ZFPM2: variants seen among roughly 807,000 people sequenced by gnomAD.
ZFPM2 encodes the protein zinc finger protein ZFPM2.
A neutral mutation model predicts 98.6 loss-of-function variants in ZFPM2; 20 were observed. That is an observed-to-expected ratio of 0.20 (90% CI 0.14 to 0.29). ZFPM2 has a LOEUF of 0.29. Among genes scored for constraint, ZFPM2 ranks in the 10% least tolerant of loss-of-function variants. The probability of loss-of-function intolerance (pLI) is 1.00; values close to 1 mark genes in which losing one functional copy is unlikely to be tolerated. For synonymous variants in ZFPM2, 518 were observed against 502.7 expected, an observed-to-expected ratio of 1.03 and a Z score of -0.41; for missense variants, 1,310 against 1,388.6, an observed-to-expected ratio of 0.94 and a Z score of 0.90.
chr8:105,423,734 G>T (rs115475873), intron 2 of ZFPM2, among the ~76,000 whole-genome samples: 230 of 152,280 alleles, frequency 1.5e-3, no homozygotes, highest in African/African-American at 5.3e-3. Flanking sequence ...AGAAATATAG[G>T]TGGTCTGGAA....
chr8:105,526,635 G>C (rs1300924727), intron 3 of ZFPM2, among the ~76,000 whole-genome samples: 1 of 152,080 alleles, frequency 6.6e-6, no homozygotes. Context: ...TTAAAATGGA[G>C]AAAATCAGTA....
At chr8:105,757,518 G>A (rs78297577) in intron 5 of ZFPM2, among the ~76,000 whole-genome samples, 2,172 of 152,164 alleles carry the variant, frequency 0.014, 59 homozygotes, top group African/African-American at 0.049. Context: ...AGGACAAAAC[G>A]CGTAGTTATT....
In ZFPM2 at chr8:105,449,276, C is replaced by G. The variant is rs377136067; in HGVS notation, c.301+4895C>G. 1.4e-4 allele frequency among the ~76,000 whole-genome samples: 21 copies of G among 152,090 alleles called. No individual in the cohort carries two copies. In the East Asian group the frequency reaches 4.1e-3, roughly 29 times the overall value. Reference sequence around the variant, plus strand: ...CAGGAGCTCTAATAAAGGAAAATATCATGCTACTTAAATATGCAAATAAGT... The same window carrying G: ...CAGGAGCTCTAATAAAGGAAAATATGATGCTACTTAAATATGCAAATAAGT... On this transcript the variant is annotated intron_variant, in intron 3 of 7. Transcript: ENST00000407775.
chr8:105,588,737 T>G (rs1323461757), intron 4 of ZFPM2, among the ~76,000 whole-genome samples: 3 of 152,228 alleles, frequency 2.0e-5, no homozygotes, highest in Non-Finnish European at 4.4e-5. Flanking sequence ...TTTGTTGACA[T>G]GTGAATGCTC....
chr8:105,549,712 A>AG, intron 3 of ZFPM2, among the ~76,000 whole-genome samples: 1 of 151,436 alleles, frequency 6.6e-6, no homozygotes, highest in Non-Finnish European at 1.5e-5. Context: ...CCTGGGCTTA[A>AG]GCGATCCCCC....
At chr8:105,334,765 T>C (rs1340709150) in intron 1 of ZFPM2, among the ~76,000 whole-genome samples, 1 of 151,748 alleles carries the variant, frequency 6.6e-6, no homozygotes, top group Non-Finnish European at 1.5e-5. Context: ...AGATGCTTAT[T>C]TTTATACATA....
At chr8:105,438,703 G>A (rs1812174867) in intron 2 of ZFPM2, among the ~76,000 whole-genome samples, 1 of 152,126 alleles carries the variant, frequency 6.6e-6, no homozygotes, top group Non-Finnish European at 1.5e-5. Flanking sequence ...GTCTGATACG[G>A]TATGTTCATA....
At chr8:105,742,485 A>T (rs1186320004) in intron 5 of ZFPM2, among the ~76,000 whole-genome samples, 1 of 151,786 alleles carries the variant, frequency 6.6e-6, no homozygotes, top group Non-Finnish European at 1.5e-5. Context: ...GTGAAATTAG[A>T]TAAGAGAGGG....
intron 5 of ZFPM2, among the ~76,000 whole-genome samples, chr8:105,739,423 AT>A (rs1359500809): frequency 2.0e-5 from 3 of 151,798 alleles, no homozygotes; most frequent in African/African-American, 7.3e-5. Flanking sequence ...ATTACATTAG[AT>A]TTTTTCTGCT....
intron 5 of ZFPM2, among the ~76,000 whole-genome samples, chr8:105,770,549 C>CAGT (rs1229710677): frequency 6.6e-6 from 1 of 152,062 alleles, no homozygotes; most frequent in African/African-American, 2.4e-5. Flanking sequence ...TAAGACCTCA[C>CAGT]AGTAAGTGTT....
At chr8:105,679,594 A>G (rs1457252531) in intron 5 of ZFPM2, among the ~76,000 whole-genome samples, 1 of 152,018 alleles carries the variant, frequency 6.6e-6, no homozygotes, top group Non-Finnish European at 1.5e-5. Context: ...TAAGAATAAA[A>G]GCAAGTCTGA....
chr8:105,651,840 T>C (rs1323996770), intron 5 of ZFPM2, among the ~76,000 whole-genome samples: 1 of 152,208 alleles, frequency 6.6e-6, no homozygotes, highest in Non-Finnish European at 1.5e-5. Flanking sequence ...TTTCAGAAAT[T>C]ACTCATGTGG....
intron 1 of ZFPM2, among the ~76,000 whole-genome samples, chr8:105,389,160 G>C (rs1811059941): frequency 6.6e-6 from 1 of 151,734 alleles, no homozygotes; most frequent in Admixed American, 6.6e-5. Context: ...GAAGAGCAAA[G>C]GATTGTAGGA....
At chr8:105,439,479 T>C (rs560286332) in intron 2 of ZFPM2, among the ~76,000 whole-genome samples, 1 of 152,342 alleles carries the variant, frequency 6.6e-6, no homozygotes, top group East Asian at 1.9e-4. Flanking sequence ...CCTACTATCC[T>C]GCTTGTTGGG....
chr8:105,681,529 T>G (rs145160417), intron 5 of ZFPM2, among the ~76,000 whole-genome samples: 1 of 152,252 alleles, frequency 6.6e-6, no homozygotes, highest in African/African-American at 2.4e-5. Flanking sequence ...TAAGAAGAGT[T>G]TCATCCTTTA....
At chr8:105,524,843 C>T (rs1411541717) in intron 3 of ZFPM2, among the ~76,000 whole-genome samples, 1 of 151,992 alleles carries the variant, frequency 6.6e-6, no homozygotes, top group Non-Finnish European at 1.5e-5. Context: ...GAGCTCTAGA[C>T]TTTGTAGAGG....
chr8:105,768,985 T>C (rs10505083), intron 5 of ZFPM2, among the ~76,000 whole-genome samples: 16,257 of 151,900 alleles, frequency 0.11, 1,159 homozygotes, highest in East Asian at 0.35. Context: ...ATGAGAAACA[T>C]TGAATGGAGT....
intron 2 of ZFPM2, among the ~76,000 whole-genome samples, chr8:105,428,295 A>G (rs190044022): frequency 1.4e-4 from 21 of 152,316 alleles, no homozygotes; most frequent in African/African-American, 5.1e-4. Context: ...CAAATAAACA[A>G]AAAGGCTAAC....
rs139930523 is a variant in ZFPM2 at position 105,336,688 on chromosome 8, CCACACACACACACACA to C, written c.40+17734_40+17749del. Among the ~76,000 whole-genome samples, 21 of 142,256 alleles carry C rather than the reference CCACACACACACACACA, an allele frequency of 1.5e-4. No individual in the cohort carries two copies. In the East Asian group the frequency reaches 3.1e-3, roughly 21 times the overall value. 93.3% of individuals were successfully genotyped at this position (142,256 alleles called of 152,430 possible). On this transcript the variant is annotated intron_variant, in intron 1 of 7. Coordinates refer to ENST00000407775, the MANE Select transcript of ZFPM2 (RefSeq NM_012082.4). ...GATTGATATTAAAATGTAATATACT[CCACACACACACACACA>C]CACACACACACACACACACACACAC...
Sources: gnomAD v4.1 joint callset for allele counts (sites outside exome capture counted in the v4.1 genomes callset) on GRCh38, gnomAD v4.1.1 for gene constraint, MANE v1.5 for transcripts, NCBI Gene and HGNC (gene_info 2026-07-23, HGNC 2026-07-21) for gene names.